Variants in PRR16 observed in about 807,000 individuals in gnomAD.
PRR16 encodes the protein proline rich 16, also known as protein Largen.
Under a neutral mutation model 18.2 loss-of-function variants are expected in PRR16, and 6 were observed. That is an observed-to-expected ratio of 0.33 (90% CI 0.18 to 0.65). The LOEUF is 0.65. PRR16 is among the 30% of genes least tolerant of loss of function. PRR16 has a pLI of 0.74. For synonymous variants in PRR16, 151 were observed against 147.8 expected (o/e 1.02, Z -0.16); for missense variants, 412 against 376.6 (o/e 1.09, Z -0.78).
the PRR16 span, among the ~76,000 whole-genome samples, chr5:120,717,692 T>G: frequency 1.3e-5 from 2 of 152,170 alleles, no homozygotes; most frequent in African/African-American, 4.8e-5. Flanking sequence ...ATTTTCTTTG[T>G]GAAGAATTTG....
chr5:120,643,836 C>A (rs1276779421), intron 1 of PRR16, among the ~76,000 whole-genome samples: 3 of 152,046 alleles, frequency 2.0e-5, no homozygotes, highest in Admixed American at 1.3e-4. Context: ...GAAACCCTGT[C>A]TCTTCTAAAA....
the PRR16 span, among the ~76,000 whole-genome samples, chr5:120,716,283 C>T: frequency 1.2e-4 from 18 of 152,154 alleles, no homozygotes; most frequent in African/African-American, 4.3e-4. Context: ...TCTCAGGTAG[C>T]AGCTCTGATT....
At chr5:120,524,760 G>A (rs1580684808) in intron 1 of PRR16, among the ~76,000 whole-genome samples, 1 of 151,972 alleles carries the variant, frequency 6.6e-6, no homozygotes, top group Non-Finnish European at 1.5e-5. Flanking sequence ...TGATCATTAT[G>A]CCTTGTATGC....
chr5:120,541,951 C>T (rs1391268094), intron 1 of PRR16, among the ~76,000 whole-genome samples: 1 of 151,534 alleles, frequency 6.6e-6, no homozygotes, highest in Non-Finnish European at 1.5e-5. Context: ...CAGTTTTGAG[C>T]ACTCATTTTA....
At chr5:120,743,023 T>A in the PRR16 span, among the ~76,000 whole-genome samples, 1 of 152,204 alleles carries the variant, frequency 6.6e-6, no homozygotes, top group Non-Finnish European at 1.5e-5. Flanking sequence ...AAATCTTCCA[T>A]CTAAAAATCT....
intron 1 of PRR16, among the ~76,000 whole-genome samples, chr5:120,604,649 G>T (rs1407776019): frequency 6.6e-6 from 1 of 152,008 alleles, no homozygotes; most frequent in Non-Finnish European, 1.5e-5. Context: ...TGTCAGTGGG[G>T]TATGTACTTA....
the PRR16 span, among the ~76,000 whole-genome samples, chr5:120,712,484 C>T: frequency 6.6e-6 from 1 of 151,694 alleles, no homozygotes; most frequent in African/African-American, 2.4e-5. Context: ...AGACTATGCA[C>T]AGCAAAGGAA....
intron 1 of PRR16, among the ~76,000 whole-genome samples, chr5:120,623,547 C>T (rs144215779): frequency 3.1e-4 from 47 of 152,094 alleles, no homozygotes; most frequent in African/African-American, 9.9e-4. Flanking sequence ...TACCTTATGC[C>T]GTTGTTTTGA....
At chr5:120,504,758 A>G (rs1314283153) in intron 1 of PRR16, among the ~76,000 whole-genome samples, 3 of 152,186 alleles carry the variant, frequency 2.0e-5, no homozygotes, top group Non-Finnish European at 4.4e-5. Context: ...AGACTCTTAA[A>G]GGTATGACAA....
chr5:120,595,530 A>G (rs959272143), intron 1 of PRR16, among the ~76,000 whole-genome samples: 1 of 151,950 alleles, frequency 6.6e-6, no homozygotes, highest in Non-Finnish European at 1.5e-5. Context: ...CATTGTCGGA[A>G]GTAGTGTGAC....
chr5:120,671,550 A>G (rs1756605447), intron 1 of PRR16, among the ~76,000 whole-genome samples: 1 of 152,156 alleles, frequency 6.6e-6, no homozygotes, highest in Non-Finnish European at 1.5e-5. Flanking sequence ...GTAATTTAAT[A>G]TTGTGCATAG....
At chr5:120,758,086 TTTA>T in the PRR16 span, among the ~76,000 whole-genome samples, 1 of 152,120 alleles carries the variant, frequency 6.6e-6, no homozygotes, top group Non-Finnish European at 1.5e-5. Context: ...TTGTTAAAAC[TTTA>T]TTAACATTAT....
intron 1 of PRR16, among the ~76,000 whole-genome samples, chr5:120,609,405 C>A (rs1754262641): frequency 6.7e-6 from 1 of 149,554 alleles, no homozygotes; most frequent in African/African-American, 2.5e-5. Context: ...ATCCTACTTT[C>A]TAAAAAAAAA....
the PRR16 span, among the ~76,000 whole-genome samples, chr5:120,702,131 GGGGTTCTTACCTTCCAGAAAAGT>G: frequency 6.6e-6 from 1 of 151,944 alleles, no homozygotes; most frequent in South Asian, 2.1e-4. Flanking sequence ...AAGGGGTTCA[GGGGTTCTTACCTTCCAGAAAAGT>G]GGGAAAAGGG....
At chr5:120,544,124 T>A (rs1210800490) in intron 1 of PRR16, among the ~76,000 whole-genome samples, 1 of 152,182 alleles carries the variant, frequency 6.6e-6, no homozygotes, top group East Asian at 1.9e-4. Flanking sequence ...TGAAGTTGTC[T>A]GCTAGGTACA....
the PRR16 span, among the ~76,000 whole-genome samples, chr5:120,768,115 A>G: frequency 6.6e-6 from 1 of 151,774 alleles, no homozygotes; most frequent in African/African-American, 2.4e-5. Flanking sequence ...ATCTTTAGCA[A>G]TTTGCCTCAT....
At chr5:120,765,240 A>T in the PRR16 span, among the ~76,000 whole-genome samples, 4 of 152,048 alleles carry the variant, frequency 2.6e-5, no homozygotes, top group Non-Finnish European at 5.9e-5. Flanking sequence ...TACATATCGC[A>T]TGTGCCTCTA....
intron 1 of PRR16, among the ~76,000 whole-genome samples, chr5:120,648,719 A>G (rs1004940910): frequency 6.6e-6 from 1 of 152,164 alleles, no homozygotes; most frequent in African/African-American, 2.4e-5. Flanking sequence ...ATACGGGGTT[A>G]GTCAGTGATG....
At chr5:120,482,598 T>G (rs1202076370) in intron 1 of PRR16, among the ~76,000 whole-genome samples, 2 of 152,162 alleles carry the variant, frequency 1.3e-5, no homozygotes, top group African/African-American at 2.4e-5. Context: ...CATATGAGTA[T>G]GTGTGTTTTT....
Sources: gnomAD v4.1 joint callset for allele counts (sites outside exome capture counted in the v4.1 genomes callset) on GRCh38, gnomAD v4.1.1 for gene constraint, MANE v1.5 for transcripts, NCBI Gene and HGNC (gene_info 2026-07-23, HGNC 2026-07-21) for gene names.